The following NDRG3 variants were observed in gnomAD, a reference collection of about 807,000 sequenced individuals.
NDRG3 encodes NDRG family member 3, also known as protein NDRG3.
A neutral mutation model predicts 57.2 loss-of-function variants in NDRG3; 23 were observed. The observed-to-expected ratio is 0.40, with a 90% confidence interval of 0.29 to 0.57. The LOEUF is 0.57. NDRG3 is among the 20% of genes least tolerant of loss of function. The pLI is 0.42. For missense variants in NDRG3, 384 were observed against 457.3 expected, an observed-to-expected ratio of 0.84 and a Z score of 1.46; for synonymous variants, 132 against 162.6, an observed-to-expected ratio of 0.81 and a Z score of 1.43.
In NDRG3 at chr20:36,666,194, G is replaced by A. The variant is rs1979617519; in HGVS notation, c.692+95C>T. 4.5e-6 allele frequency: 4 copies of A among 896,194 alleles called. 1 individual carries two copies. The South Asian group carries it at 4.5e-5, about 10-fold the overall frequency. 55.5% of individuals were successfully genotyped at this position (896,194 alleles called of 1,614,324 possible). On this transcript the variant is annotated intron_variant, in intron 10 of 15. Coordinates refer to ENST00000349004, the MANE Select transcript of NDRG3 (RefSeq NM_032013.4). ...CTCACATTTTCACCTCGGAGAAGCT[G>A]GTCCCAAGATTAGATACAGTCCTCT...
chr20:36,711,857 G>A (rs537356411), intron 2 of NDRG3, among the ~76,000 whole-genome samples: 1 of 152,262 alleles, frequency 6.6e-6, no homozygotes, highest in East Asian at 1.9e-4. Context: ...TTGGCTCACT[G>A]CAAGCTCCGC....
intron 2 of NDRG3, among the ~76,000 whole-genome samples, chr20:36,718,450 A>G (rs970698066): frequency 6.6e-6 from 1 of 152,236 alleles, no homozygotes; most frequent in African/African-American, 2.4e-5. Context: ...GAAGTGAGAC[A>G]CTGCTTTGTG....
intron 1 of NDRG3, among the ~76,000 whole-genome samples, chr20:36,728,026 C>T (rs1416198330): frequency 6.6e-6 from 1 of 151,992 alleles, no homozygotes; most frequent in Non-Finnish European, 1.5e-5. Context: ...CAGCAAGACC[C>T]TGCCTCTAAA....
In NDRG3 at chr20:36,721,712, C is replaced by G. The variant is rs770678817; in HGVS notation, c.24G>C (p.Gln8His). Residue 8 changes from glutamine (Q) to histidine (H), a missense_variant, in exon 2 of 16, where the codon CAG becomes CAC. By Grantham distance (24) the Gln-to-His change is conservative. Transcript: ENST00000349004. Reference sequence around the variant, plus strand: ...TTAGAAGTGGTTTGATCTCTGTGAGCTGAACATCCTGAAGTTCATCCATGA... The same window carrying G: ...TTAGAAGTGGTTTGATCTCTGTGAGGTGAACATCCTGAAGTTCATCCATGA... Reference protein sequence around the residue: MDELQDVQLTEIKPLLND... With the variant: MDELQDVHLTEIKPLLND... 4 of 1,611,240 alleles carry G rather than the reference C, an allele frequency of 2.5e-6. No homozygotes were observed. The highest frequency in any genetic ancestry group is 2.5e-6 in the Non-Finnish European group (3 of 1,177,764).
chr20:36,727,002 C>T lies in NDRG3; in HGVS notation c.-48-5219G>A, dbSNP rs188902060. ...GGCGATCTTGGCTCACTGCAACTTC[C>T]GCCTCCCAGGTTCAAGTGATTCTCC... On this transcript the variant is annotated intron_variant, in intron 1 of 15. Transcript: ENST00000349004. Among the ~76,000 whole-genome samples the T allele has an allele frequency of 2.8e-3, 431 of 151,816 alleles. 2 individuals are homozygous for T. Among genetic ancestry groups the T allele is most frequent in the African/African-American group, 9.9e-3 (408 of 41,374 alleles).
chr20:36,690,000 G>A lies in NDRG3; in HGVS notation c.94-1216C>T, dbSNP rs372741910. Among the ~76,000 whole-genome samples, 10 of 151,976 alleles carry A rather than the reference G, an allele frequency of 6.6e-5. 1 individual carries two copies. In the East Asian group the frequency reaches 9.7e-4, roughly 15 times the overall value. ...CTCCCAAAGTGCTGAGATTACAGACGTGAGCCACCGCGCCCAGCCTGTAAT... is the reference window on the plus strand; with the variant it reads ...CTCCCAAAGTGCTGAGATTACAGACATGAGCCACCGCGCCCAGCCTGTAAT... On this transcript the variant is annotated intron_variant, in intron 3 of 15. Transcript: ENST00000349004.
At chr20:36,683,202 C>G (rs1981469916) in intron 6 of NDRG3, among the ~76,000 whole-genome samples, 1 of 151,970 alleles carries the variant, frequency 6.6e-6, no homozygotes, top group African/African-American at 2.4e-5. Context: ...CGAGAATGCG[C>G]CACTGCACTC....
intron 3 of NDRG3, among the ~76,000 whole-genome samples, chr20:36,704,733 T>C (rs1199679013): frequency 1.3e-5 from 2 of 152,224 alleles, no homozygotes; most frequent in Admixed American, 1.3e-4. Flanking sequence ...AGGCTGATAA[T>C]GTTCTATATA....
intron 12 of NDRG3, among the ~76,000 whole-genome samples, chr20:36,661,337 T>G (rs1979186751): frequency 6.6e-6 from 1 of 152,230 alleles, no homozygotes; most frequent in Non-Finnish European, 1.5e-5. Context: ...AGAAAATGTT[T>G]TGGGGAGACA....
In NDRG3 at chr20:36,706,953, T is replaced by C; in HGVS notation, c.93+19A>G. On this transcript the variant is annotated intron_variant, in intron 3 of 15. Transcript: ENST00000349004. ...AGAGATCCTGTACAGAGCCTCCTTC[T>C]TGCTTGTACAGTCCTTACCTGACAG... The C allele has an allele frequency of 1.9e-6, 3 of 1,610,490 alleles. No individual in the cohort carries two copies. Among genetic ancestry groups the C allele is most frequent in the Non-Finnish European group, 2.5e-6 (3 of 1,177,022 alleles).
intron 2 of NDRG3, among the ~76,000 whole-genome samples, chr20:36,713,408 C>G (rs1280696956): frequency 6.6e-6 from 1 of 151,492 alleles, no homozygotes; most frequent in Non-Finnish European, 1.5e-5. Context: ...AAACTAGGAA[C>G]GGGTCAATGA....
chr20:36,670,843 C>T (rs1980087792), intron 9 of NDRG3, among the ~76,000 whole-genome samples: 1 of 152,146 alleles, frequency 6.6e-6, no homozygotes. Flanking sequence ...GACCAGGTTC[C>T]CCCTCACCTA....
chr20:36,659,131 T>C (rs984723758), intron 13 of NDRG3, among the ~76,000 whole-genome samples: 3 of 152,054 alleles, frequency 2.0e-5, no homozygotes, highest in African/African-American at 7.2e-5. Flanking sequence ...TTATTGTTTT[T>C]GTAGAGACAG....
At chr20:36,678,490 G>A (rs769033860) in intron 8 of NDRG3, among the ~76,000 whole-genome samples, 23 of 152,136 alleles carry the variant, frequency 1.5e-4, no homozygotes, top group Non-Finnish European at 2.5e-4. Context: ...AGACCAGCCT[G>A]GCCAAGATGG....
At chr20:36,735,901 G>T (rs548783295) in intron 1 of NDRG3, among the ~76,000 whole-genome samples, 7 of 151,526 alleles carry the variant, frequency 4.6e-5, no homozygotes, top group African/African-American at 1.5e-4. Flanking sequence ...TTGAACCCAG[G>T]GGGTGGAGGT....
chr20:36,702,826 T>C (rs1245269571), intron 3 of NDRG3, among the ~76,000 whole-genome samples: 1 of 152,064 alleles, frequency 6.6e-6, no homozygotes, highest in Non-Finnish European at 1.5e-5. Context: ...GTAGCCGGGA[T>C]TACAGGCATG....
In NDRG3 at chr20:36,667,509, C is replaced by A. The variant is rs368858883; in HGVS notation, c.589-1117G>T. ...TACGAGAGAAACAAAATGGTCTATG[C>A]AGTGAAAAGTCTCCCTCTCCACCAC... On this transcript the variant is annotated intron_variant, in intron 9 of 15. Transcript: ENST00000349004. Among the ~76,000 whole-genome samples the A allele has an allele frequency of 1.2e-4, 18 of 152,228 alleles. No homozygotes were observed. In the East Asian group the frequency reaches 3.3e-3, roughly 28 times the overall value.
chr20:36,668,527 G>T (rs1194147843), intron 9 of NDRG3: 4 of 151,988 alleles, frequency 2.6e-5, no homozygotes, highest in African/African-American at 9.7e-5. Flanking sequence ...TTGCTTACAT[G>T]TTTTAAAATT....
intron 3 of NDRG3, among the ~76,000 whole-genome samples, chr20:36,689,185 T>A (rs1006215882): frequency 2.0e-5 from 3 of 152,096 alleles, no homozygotes; most frequent in South Asian, 4.1e-4. Context: ...AGAGCAAGAC[T>A]TCGTCTCAAA....
Sources: allele counts gnomAD v4.1 joint callset (sites outside exome capture counted in the v4.1 genomes callset), GRCh38; gene constraint gnomAD v4.1.1; transcripts MANE v1.5; gene names NCBI Gene and HGNC (gene_info 2026-07-23, HGNC 2026-07-21).